Variants in INSR observed in about 807,000 individuals in gnomAD.
The protein encoded by INSR is insulin receptor.
Under a neutral mutation model 142.6 loss-of-function variants are expected in INSR, and 67 were observed. That is an observed-to-expected ratio of 0.47 (90% confidence interval 0.39 to 0.58). INSR has a LOEUF of 0.58. Ranked by LOEUF, INSR falls within the 20% of genes least tolerant of loss-of-function variation. INSR has a pLI of 0.00. For missense variants in INSR, 1,248 were observed against 1,833.2 expected (o/e 0.68, Z 5.83); for synonymous variants, 756 against 743.1 (o/e 1.02, Z -0.28).
At chr19:7,149,042 G>T (rs1205825900) in intron 11 of INSR, among the ~76,000 whole-genome samples, 1 of 152,140 alleles carries the variant, frequency 6.6e-6, no homozygotes, top group South Asian at 2.1e-4. Context: ...TGATTGCCCC[G>T]CCTGGGGTAG....
chr19:7,119,147 G>C lies in INSR; in HGVS notation c.3794+302C>G, dbSNP rs576915994. ...TGTAAATGAGGTGTACATGTGCCAT[G>C]ATATGCTGATGCACACAGAAACATA... is the stretch of plus-strand genomic sequence containing the variant. On this transcript the variant is annotated intron_variant, in intron 21 of 21. Coordinates refer to ENST00000302850, the MANE Select transcript of INSR (RefSeq NM_000208.4). This position sits in a 1 kb window ranked among gnomAD's most constrained non-coding sequence, Gnocchi z 5.2. 6.6e-6 allele frequency among the ~76,000 whole-genome samples: 1 copy of C among 152,184 alleles called. No individual in the cohort carries two copies. The highest frequency in any genetic ancestry group is 1.5e-5 in the Non-Finnish European group (1 of 68,044).
At chr19:7,198,084 G>A (rs547353790) in intron 2 of INSR, among the ~76,000 whole-genome samples, 1 of 151,862 alleles carries the variant, frequency 6.6e-6, no homozygotes, top group South Asian at 2.1e-4. Context: ...TGTGCCCATG[G>A]GGGCGAGGGA....
intron 2 of INSR, among the ~76,000 whole-genome samples, chr19:7,202,978 T>A (rs1307807234): frequency 8.8e-6 from 1 of 113,012 alleles, no homozygotes; most frequent in East Asian, 2.5e-4. Context: ...ATGTATTGGT[T>A]TGGGGTGGGG....
intron 2 of INSR, among the ~76,000 whole-genome samples, chr19:7,242,004 T>C (rs1373653674): frequency 1.3e-5 from 2 of 151,920 alleles, no homozygotes; most frequent in Non-Finnish European, 2.9e-5. Context: ...GTACAAAAAT[T>C]AGCCAGGTAT....
chr19:7,276,528 C>T (rs1968068017), intron 1 of INSR, among the ~76,000 whole-genome samples: 1 of 152,030 alleles, frequency 6.6e-6, no homozygotes, highest in South Asian at 2.1e-4. Context: ...CCTCAAACTG[C>T]TTCCTCTTAA....
chr19:7,132,455 A>G (rs907926794), intron 13 of INSR, 138 bp from the exon 14 acceptor site: 2 of 889,706 alleles, frequency 2.2e-6, no homozygotes, highest in African/African-American at 3.3e-5. Context: ...AAGACACATA[A>G]GCGACTTTGA....
chr19:7,140,034 G>T (rs1374541795), intron 13 of INSR, among the ~76,000 whole-genome samples: 2 of 152,070 alleles, frequency 1.3e-5, no homozygotes, highest in Non-Finnish European at 2.9e-5. Context: ...CGCCATGTTG[G>T]CCAGGCTGGT....
At chr19:7,169,599 G>A (rs200909180) in intron 6 of INSR, among the ~76,000 whole-genome samples, 327 of 106,500 alleles carry the variant, frequency 3.1e-3, no homozygotes, top group African/African-American at 8.5e-3. Context: ...AAAAAAAAAA[G>A]AAGCTCTTCC....
intron 3 of INSR, among the ~76,000 whole-genome samples, chr19:7,177,003 A>G (rs1974149543): frequency 6.6e-6 from 1 of 152,156 alleles, no homozygotes; most frequent in Admixed American, 6.6e-5. Flanking sequence ...ACATGACCCC[A>G]TGTTTAATGG....
chr19:7,143,439 C>T (rs562582699), intron 11 of INSR, among the ~76,000 whole-genome samples: 30 of 152,314 alleles, frequency 2.0e-4, no homozygotes, highest in African/African-American at 7.2e-4. Flanking sequence ...AAAAATAAGA[C>T]ACCAAAAGCA....
chr19:7,229,768 T>C (rs1975910684), intron 2 of INSR, among the ~76,000 whole-genome samples: 1 of 146,898 alleles, frequency 6.8e-6, no homozygotes, highest in African/African-American at 2.5e-5. Flanking sequence ...GTCTTTTTTT[T>C]TTTTTTTTTT....
At chr19:7,141,484 C>A in intron 13 of INSR, 193 bp downstream of exon 13, 1 of 701,484 alleles carries the variant, frequency 1.4e-6, no homozygotes, top group South Asian at 1.8e-5. Flanking sequence ...AGAAAAGTAA[C>A]AAGCTGGTAG....
intron 9 of INSR, among the ~76,000 whole-genome samples, chr19:7,154,843 G>T (rs577133683): frequency 1.3e-5 from 2 of 152,016 alleles, no homozygotes; most frequent in East Asian, 2.0e-4. Context: ...AGGATTGTTT[G>T]AACCCGGGAA....
At chr19:7,220,880 G>A (rs1266924827) in intron 2 of INSR, among the ~76,000 whole-genome samples, 4 of 152,128 alleles carry the variant, frequency 2.6e-5, no homozygotes, top group Admixed American at 2.0e-4. Context: ...AGCATTGAGA[G>A]GTGGGGCCTT....
chr19:7,127,746 G>A (rs1421902614), intron 15 of INSR, among the ~76,000 whole-genome samples: 1 of 132,630 alleles, frequency 7.5e-6, no homozygotes, highest in African/African-American at 2.6e-5. Flanking sequence ...ATATTTTTTT[G>A]TTTTGTTTTG....
chr19:7,256,503 A>C (rs150490257), intron 2 of INSR, among the ~76,000 whole-genome samples: 2 of 152,046 alleles, frequency 1.3e-5, no homozygotes, highest in Admixed American at 1.3e-4. Flanking sequence ...GCTCACACCT[A>C]TAATATAATG....
chr19:7,156,303 T>C (rs1973590967), intron 9 of INSR, among the ~76,000 whole-genome samples: 1 of 151,912 alleles, frequency 6.6e-6, no homozygotes, highest in Non-Finnish European at 1.5e-5. Context: ...TCATGTGATC[T>C]GCCCACCTCG....
At chr19:7,136,276 T>G (rs1411000962) in intron 13 of INSR, among the ~76,000 whole-genome samples, 1 of 152,106 alleles carries the variant, frequency 6.6e-6, no homozygotes, top group Non-Finnish European at 1.5e-5. Flanking sequence ...CAGAGGAAGT[T>G]CGGGGCATTG....
chr19:7,185,237 A>C (rs575862602), intron 2 of INSR, among the ~76,000 whole-genome samples: 1 of 151,744 alleles, frequency 6.6e-6, no homozygotes, highest in East Asian at 1.9e-4. Flanking sequence ...ATTTTTATGA[A>C]TATCTATGTT....
Sources: gnomAD v4.1 joint callset for allele counts (sites outside exome capture counted in the v4.1 genomes callset) on GRCh38, gnomAD v4.1.1 for gene constraint, Gnocchi (gnomAD v3.1) non-coding constraint, MANE v1.5 for transcripts, NCBI Gene and HGNC (gene_info 2026-07-23, HGNC 2026-07-21) for gene names.